Variants in SRGAP1 observed in about 807,000 individuals in gnomAD.
SRGAP1 encodes SLIT-ROBO Rho GTPase-activating protein 1.
A neutral mutation model predicts 121.9 loss-of-function variants in SRGAP1; 43 were observed. The ratio of observed to expected loss-of-function variants is 0.35; its 90% CI spans 0.28 to 0.46. The LOEUF is 0.46. SRGAP1 is among the 20% of genes least tolerant of loss of function. The pLI is 1.00. For missense variants in SRGAP1, 1,102 were observed against 1,350.9 expected (o/e 0.82, Z 2.89); for synonymous variants, 447 against 485.4 (o/e 0.92, Z 1.04).
chr12:63,873,924 C>CA, intron 1 of SRGAP1, among the ~76,000 whole-genome samples: 1 of 151,660 alleles, frequency 6.6e-6, no homozygotes, highest in Non-Finnish European at 1.5e-5. Flanking sequence ...TGCAGCTACT[C>CA]AGGAGGCTGA....
At chr12:63,875,935 A>G (rs1011680280) in intron 1 of SRGAP1, among the ~76,000 whole-genome samples, 5 of 152,240 alleles carry the variant, frequency 3.3e-5, no homozygotes, top group African/African-American at 9.6e-5. Flanking sequence ...TAATGTGCTG[A>G]CAGCAGTGTT....
chr12:63,962,863 G>C (rs1209859547), intron 1 of SRGAP1, among the ~76,000 whole-genome samples: 1 of 152,138 alleles, frequency 6.6e-6, no homozygotes, highest in African/African-American at 2.4e-5. Context: ...ATGCACAGCA[G>C]ATTTTGAAGA....
intron 21 of SRGAP1, among the ~76,000 whole-genome samples, chr12:64,138,680 TATAAA>T (rs1311744550): frequency 6.6e-6 from 1 of 151,650 alleles, no homozygotes; most frequent in East Asian, 1.9e-4. Flanking sequence ...CTAAATAGAA[TATAAA>T]ATAAAAATAA....
intron 1 of SRGAP1, among the ~76,000 whole-genome samples, chr12:63,885,232 G>T (rs1447594294): frequency 6.6e-6 from 1 of 152,114 alleles, no homozygotes; most frequent in Non-Finnish European, 1.5e-5. Flanking sequence ...TCAACTTGGG[G>T]TTCTTATGAC....
At chr12:63,914,128 G>C (rs1194095874) in intron 1 of SRGAP1, among the ~76,000 whole-genome samples, 1 of 152,110 alleles carries the variant, frequency 6.6e-6, no homozygotes, top group Non-Finnish European at 1.5e-5. Flanking sequence ...CCTATCACTT[G>C]TCCCTTTTTA....
intron 21 of SRGAP1, among the ~76,000 whole-genome samples, chr12:64,132,316 A>G (rs890745120): frequency 6.6e-6 from 1 of 152,194 alleles, no homozygotes; most frequent in Non-Finnish European, 1.5e-5. Flanking sequence ...CTCAAGCACC[A>G]TTGGATCTGA....
chr12:64,156,361 A>G lies in SRGAP1; in HGVS notation c.*13689A>G, dbSNP rs1592368313. 1 of 152,344 alleles carries G rather than the reference A, an allele frequency of 6.6e-6. No individual in the cohort carries two copies. Among genetic ancestry groups the G allele is most frequent in the Non-Finnish European group, 1.5e-5 (1 of 68,034 alleles). 9.4% of individuals were successfully genotyped at this position (152,344 alleles called of 1,614,324 possible). Reference sequence around the variant, plus strand: ...TTTTAATAAATTTGTAGATGTTAATATGATTTACTTATTTGCAATTTTCAT... The same window carrying G: ...TTTTAATAAATTTGTAGATGTTAATGTGATTTACTTATTTGCAATTTTCAT... On this transcript the variant is annotated 3_prime_UTR_variant, in exon 22 of 22. Coordinates refer to ENST00000355086, the MANE Select transcript of SRGAP1 (RefSeq NM_020762.4).
At chr12:63,914,965 C>G (rs977460196) in intron 1 of SRGAP1, among the ~76,000 whole-genome samples, 5 of 152,130 alleles carry the variant, frequency 3.3e-5, no homozygotes, top group African/African-American at 1.2e-4. Flanking sequence ...TTAGCTTTCT[C>G]TGCTTATTGG....
At chr12:63,870,120 T>C (rs1167659836) in intron 1 of SRGAP1, among the ~76,000 whole-genome samples, 1 of 152,222 alleles carries the variant, frequency 6.6e-6, no homozygotes, top group Non-Finnish European at 1.5e-5. Context: ...GGAAGAATGA[T>C]TGCCATCTTT....
chr12:63,963,340 A>T (rs573573949), intron 1 of SRGAP1, among the ~76,000 whole-genome samples: 2 of 152,350 alleles, frequency 1.3e-5, no homozygotes, highest in Admixed American at 1.3e-4. Flanking sequence ...ATCTTTTAAG[A>T]GCAAGGTATA....
intron 1 of SRGAP1, among the ~76,000 whole-genome samples, chr12:63,933,345 A>AT (rs1399414136): frequency 6.6e-6 from 1 of 152,184 alleles, no homozygotes; most frequent in East Asian, 1.9e-4. Flanking sequence ...CAAAGAATGC[A>AT]TGAGTAGAGG....
At chr12:64,133,145 C>T (rs910265066) in intron 21 of SRGAP1, among the ~76,000 whole-genome samples, 16 of 152,242 alleles carry the variant, frequency 1.1e-4, no homozygotes, top group African/African-American at 3.9e-4. Context: ...ACCCCTGCAT[C>T]TTTCAAGTCC....
intron 10 of SRGAP1, among the ~76,000 whole-genome samples, chr12:64,084,773 GA>G (rs2035909106): frequency 1.3e-5 from 2 of 152,006 alleles, no homozygotes; most frequent in Admixed American, 6.5e-5. Flanking sequence ...AAAAATAGCA[GA>G]ATTTCAAAGT....
rs181349462 is a variant in SRGAP1 at position 64,155,348 on chromosome 12, C to A, written c.*12676C>A. The A allele has an allele frequency of 2.0e-4, 30 of 152,152 alleles. No homozygotes were observed. Among genetic ancestry groups the A allele is most frequent in the African/African-American group, 7.0e-4 (29 of 41,538 alleles). The allele number at this position is 152,152 out of a possible 1,614,324, so 9.4% of individuals were successfully genotyped here. A position where few individuals can be genotyped will look rare whatever the true frequency, so the allele number is the denominator to read the frequency against. On this transcript the variant is annotated 3_prime_UTR_variant, in exon 22 of 22. Coordinates refer to ENST00000355086, the MANE Select transcript of SRGAP1 (RefSeq NM_020762.4). ...CCTGAGGTCAGGAGTTTGAGACCAG[C>A]CTGGCCAACATGGCGAAACCCCATC...
chr12:64,091,759 G>T, intron 12 of SRGAP1: 1 of 661,502 alleles, frequency 1.5e-6, no homozygotes, highest in Non-Finnish European at 2.6e-6. Context: ...AAACACAGCA[G>T]GAGTTTTGAT....
chr12:64,086,722 G>GA (rs3057149), intron 10 of SRGAP1, among the ~76,000 whole-genome samples: 24,361 of 119,924 alleles, frequency 0.2, 2,531 homozygotes, highest in Non-Finnish European at 0.25. Context: ...TTTCTTTTCT[G>GA]AAAAAAAAAA....
intron 21 of SRGAP1, among the ~76,000 whole-genome samples, chr12:64,137,961 A>AAT (rs1555177363): frequency 4.6e-4 from 64 of 139,678 alleles, no homozygotes; most frequent in East Asian, 6.2e-4. Context: ...TTAAAAAAAA[A>AAT]ATATATATAT....
At chr12:63,884,152 G>A (rs972724644) in intron 1 of SRGAP1, among the ~76,000 whole-genome samples, 5 of 151,620 alleles carry the variant, frequency 3.3e-5, no homozygotes, top group South Asian at 4.2e-4. Context: ...GTGTGGTGGC[G>A]CATGCCTGTA....
chr12:63,973,316 A>G (rs1261793978), intron 1 of SRGAP1, among the ~76,000 whole-genome samples: 2 of 152,232 alleles, frequency 1.3e-5, no homozygotes, highest in Non-Finnish European at 2.9e-5. Context: ...CTTGCTTTGC[A>G]TAATTACATA....
Sources: allele counts gnomAD v4.1 joint callset (sites outside exome capture counted in the v4.1 genomes callset), GRCh38; gene constraint gnomAD v4.1.1; transcripts MANE v1.5; gene names NCBI Gene and HGNC (gene_info 2026-07-23, HGNC 2026-07-21).